The following KIF6 variants were observed in gnomAD, a reference collection of about 807,000 sequenced individuals.
The protein encoded by KIF6 is kinesin family member 6.
KIF6 carries 106 observed loss-of-function variants against 112.7 expected under a neutral mutation model. The ratio of observed to expected loss-of-function variants is 0.94; its 90% CI spans 0.80 to 1.11. The LOEUF (loss-of-function observed/expected upper bound fraction) is 1.11, where lower values mean the gene tolerates loss of function less well. Among genes scored for constraint, KIF6 ranks in the 50% least tolerant of loss-of-function variants. The probability of loss-of-function intolerance (pLI) is 0.00; values close to 1 mark genes in which losing one functional copy is unlikely to be tolerated. For synonymous variants in KIF6, 339 were observed against 339.9 expected (o/e 1.00, Z 0.03); for missense variants, 929 against 964.0 (o/e 0.96, Z 0.48).
intron 13 of KIF6, among the ~76,000 whole-genome samples, chr6:39,470,149 T>C (rs999168007): frequency 1.3e-5 from 2 of 152,156 alleles, no homozygotes; most frequent in African/African-American, 2.4e-5. Context: ...AAGTGGATTA[T>C]AGAGCAGAGA....
At chr6:39,476,849 A>C (rs1303216796) in intron 13 of KIF6, among the ~76,000 whole-genome samples, 1 of 152,216 alleles carries the variant, frequency 6.6e-6, no homozygotes, top group Admixed American at 6.5e-5. Context: ...TGCTTTTATA[A>C]CTGCACTGTG....
At chr6:39,474,344 C>T (rs1774301474) in intron 13 of KIF6, among the ~76,000 whole-genome samples, 1 of 152,178 alleles carries the variant, frequency 6.6e-6, no homozygotes, top group Admixed American at 6.5e-5. Flanking sequence ...AGGTCCCTGA[C>T]AATATTTGTT....
chr6:39,674,013 TGGGG>T (rs1786991092), intron 3 of KIF6, among the ~76,000 whole-genome samples: 4 of 152,018 alleles, frequency 2.6e-5, no homozygotes, highest in African/African-American at 9.7e-5. Context: ...ACTATTCTTT[TGGGG>T]AAATATAAGG....
chr6:39,660,911 C>T (rs1252965342), intron 3 of KIF6, among the ~76,000 whole-genome samples: 1 of 152,154 alleles, frequency 6.6e-6, no homozygotes. Context: ...CTTTTCACTG[C>T]CTGTGAGTCC....
At position 39,618,901 on chromosome 6, in the gene KIF6, T is replaced by A. The variant is rs183201371; in HGVS notation, c.510-5583A>T. Among the ~76,000 whole-genome samples, 278 of 152,310 alleles carry A rather than the reference T, an allele frequency of 1.8e-3. 2 individuals are homozygous for A. Among genetic ancestry groups the A allele is most frequent in the Middle Eastern group, 6.8e-3 (2 of 294 alleles). On this transcript the variant is annotated intron_variant, in intron 5 of 22. Transcript: ENST00000287152. Reference sequence around the variant, plus strand: ...TTTTCAAACTGAACCAATGTATGCCTTTCATCTGTTGATTTATGATTTTAT... The same window carrying A: ...TTTTCAAACTGAACCAATGTATGCCATTCATCTGTTGATTTATGATTTTAT...
intron 14 of KIF6, among the ~76,000 whole-genome samples, chr6:39,423,892 C>A (rs988293372): frequency 2.6e-5 from 4 of 152,146 alleles, no homozygotes; most frequent in Non-Finnish European, 5.9e-5. Context: ...CTGCTTGCTC[C>A]TTCCCCTGCA....
chr6:39,530,478 A>C (rs545335783), intron 13 of KIF6, among the ~76,000 whole-genome samples: 1 of 152,234 alleles, frequency 6.6e-6, no homozygotes, highest in Non-Finnish European at 1.5e-5. Flanking sequence ...TACGGAGCGG[A>C]ACAATCTCTC....
intron 13 of KIF6, among the ~76,000 whole-genome samples, chr6:39,488,509 G>A (rs1321785507): frequency 2.0e-5 from 3 of 152,142 alleles, no homozygotes; most frequent in Non-Finnish European, 2.9e-5. Context: ...TATGACTCTA[G>A]GAGCCTGGGT....
intron 13 of KIF6, among the ~76,000 whole-genome samples, chr6:39,450,422 A>T (rs1343656153): frequency 1.3e-5 from 2 of 152,252 alleles, no homozygotes; most frequent in Non-Finnish European, 2.9e-5. Context: ...TGAGGAGGTA[A>T]GAATATGCAA....
At chr6:39,465,150 A>T (rs946831624) in intron 13 of KIF6, among the ~76,000 whole-genome samples, 1 of 152,110 alleles carries the variant, frequency 6.6e-6, no homozygotes, top group African/African-American at 2.4e-5. Context: ...GCGGGCGGGG[A>T]TATCATACCC....
Position 39,584,943 on chromosome 6 carries a change from G to A in KIF6, c.1032C>T (p.Leu344=). The change falls in exon 9 of 23, where the codon CTC becomes CTT. Residue 344 remains leucine, a synonymous_variant. Coordinates refer to ENST00000287152, the MANE Select transcript of KIF6 (RefSeq NM_145027.6). The part of the protein sequence containing the change: ...STCRFAQRVA[L]IKNEAVLNEE... Reference sequence around the variant, plus strand: ...CATTAAGAACAGCTTCATTCTTTATGAGTGCCACTCGCTGTGCAAATCTGC... The same window carrying A: ...CATTAAGAACAGCTTCATTCTTTATAAGTGCCACTCGCTGTGCAAATCTGC... 2 of 1,612,366 alleles carry A rather than the reference G, an allele frequency of 1.2e-6. No homozygotes were observed. Among genetic ancestry groups the A allele is most frequent in the South Asian group, 1.1e-5 (1 of 90,896 alleles).
chr6:39,362,233 T>C lies in KIF6; in HGVS notation c.1946+201A>G, dbSNP rs1562132344. ...TGCTTCCCGGGCCTGGCTTGGCTTG[T>C]TCTGCATTCTAACCTCACACTGCCT... On this transcript the variant is annotated intron_variant, in intron 17 of 22. Coordinates refer to ENST00000287152, the MANE Select transcript of KIF6 (RefSeq NM_145027.6). Among the ~76,000 whole-genome samples, 3 of 152,118 alleles carry C rather than the reference T, an allele frequency of 2.0e-5. No individual in the cohort carries two copies. In the South Asian group the frequency reaches 6.2e-4, roughly 32 times the overall value.
At chr6:39,574,132 A>G (rs9394615) in intron 10 of KIF6, among the ~76,000 whole-genome samples, 8,100 of 152,276 alleles carry the variant, frequency 0.053, 405 homozygotes, top group East Asian at 0.28. Context: ...CTATCGCCCA[A>G]ACTCTTGTGA....
chr6:39,671,658 G>A (rs1330865581), intron 3 of KIF6, among the ~76,000 whole-genome samples: 2 of 152,174 alleles, frequency 1.3e-5, no homozygotes, highest in African/African-American at 4.8e-5. Context: ...ACAAAACTCT[G>A]TATCTGATGT....
In KIF6 at chr6:39,696,102, G is replaced by A. The variant is rs116420393; in HGVS notation, c.251+18590C>T. Among the ~76,000 whole-genome samples the A allele has an allele frequency of 1.0e-3, 154 of 152,242 alleles. 2 individuals are homozygous for A. Among genetic ancestry groups the A allele is most frequent in the South Asian group, 4.1e-3 (20 of 4,820 alleles). On this transcript the variant is annotated intron_variant, in intron 3 of 22. Coordinates refer to ENST00000287152, the MANE Select transcript of KIF6 (RefSeq NM_145027.6). ...TGGGTATACAAAGACACAAAGATGGGAACAATAAGCACTGGGGATTCCAAA... is the reference window on the plus strand; with the variant it reads ...TGGGTATACAAAGACACAAAGATGGAAACAATAAGCACTGGGGATTCCAAA...
At chr6:39,429,867 C>T (rs1771027649) in intron 14 of KIF6, among the ~76,000 whole-genome samples, 1 of 151,876 alleles carries the variant, frequency 6.6e-6, no homozygotes, top group Admixed American at 6.6e-5. Context: ...AAGATCACAC[C>T]ACTGCACTCC....
intron 13 of KIF6, among the ~76,000 whole-genome samples, chr6:39,489,839 C>T (rs535462591): frequency 8.5e-5 from 13 of 152,202 alleles, no homozygotes; most frequent in African/African-American, 2.2e-4. Context: ...TTTAGAGCAG[C>T]GCACAGAGAA....
intron 13 of KIF6, among the ~76,000 whole-genome samples, chr6:39,484,392 G>A (rs540188316): frequency 6.6e-6 from 1 of 152,192 alleles, no homozygotes; most frequent in South Asian, 2.1e-4. Flanking sequence ...AATATGATAA[G>A]GTGTCATAAA....
chr6:39,576,540 G>A (rs529321324), intron 10 of KIF6, among the ~76,000 whole-genome samples: 147 of 152,306 alleles, frequency 9.7e-4, no homozygotes, highest in African/African-American at 3.3e-3. Context: ...CCAACAGGAA[G>A]CACTGGTGGA....
Sources: gnomAD v4.1 joint callset for allele counts (sites outside exome capture counted in the v4.1 genomes callset) on GRCh38, gnomAD v4.1.1 for gene constraint, MANE v1.5 for transcripts, NCBI Gene and HGNC (gene_info 2026-07-23, HGNC 2026-07-21) for gene names.